ZCCHC24: variants seen among roughly 807,000 people sequenced by gnomAD.
ZCCHC24 encodes the protein zinc finger CCHC domain-containing protein 24.
In ZCCHC24, 10 loss-of-function variants were observed where a neutral mutation model predicts 26.2. The ratio of observed to expected loss-of-function variants is 0.38; its 90% CI spans 0.24 to 0.65. ZCCHC24 has a LOEUF of 0.65. Among genes scored for constraint, ZCCHC24 ranks in the 30% least tolerant of loss-of-function variants. ZCCHC24 has a pLI of 0.54. For missense variants in ZCCHC24, 243 were observed against 329.1 expected (o/e 0.74, Z 2.03); for synonymous variants, 144 against 147.1 (o/e 0.98, Z 0.15).
At chr10:79,444,124 A>G (rs1281389431) in intron 1 of ZCCHC24, 2 of 1,545,916 alleles carry the variant, frequency 1.3e-6, no homozygotes, top group South Asian at 2.4e-5. Flanking sequence ...GTCTGGAAGG[A>G]AAGTGACCCC....
At chr10:79,422,066 T>C (rs562020388) in intron 2 of ZCCHC24, among the ~76,000 whole-genome samples, 2 of 152,234 alleles carry the variant, frequency 1.3e-5, no homozygotes, top group South Asian at 2.1e-4. Context: ...TCCCTTCGCA[T>C]GCTCCCTAAC....
At chr10:79,416,965 A>G (rs1856870510) in intron 2 of ZCCHC24, among the ~76,000 whole-genome samples, 1 of 152,182 alleles carries the variant, frequency 6.6e-6, no homozygotes, top group Non-Finnish European at 1.5e-5. Context: ...CCCTGCTCAG[A>G]GTGGGCACCA....
chr10:79,412,880 A>G (rs1856810594), intron 2 of ZCCHC24, among the ~76,000 whole-genome samples: 1 of 152,194 alleles, frequency 6.6e-6, no homozygotes, highest in East Asian at 1.9e-4. Flanking sequence ...TAAGGAGCTC[A>G]TGAGTACCAA....
chr10:79,403,331 C>T lies in ZCCHC24; in HGVS notation c.448-8891G>A, dbSNP rs571530347. 5.3e-5 allele frequency: 50 copies of T among 936,476 alleles called. No homozygotes were observed. The African/African-American group carries it at 8.0e-4, about 15-fold the overall frequency. The allele number at this position is 936,476 out of a possible 1,614,324, so 58.0% of individuals were successfully genotyped here. ...AAACTGAGGCTCGAGACAGGGGCAG[C>T]AAGTCTGCCAAGTGCTGAGCCCCTG... is the stretch of plus-strand genomic sequence containing the variant. On this transcript the variant is annotated intron_variant, in intron 2 of 3. Coordinates refer to ENST00000372336, the MANE Select transcript of ZCCHC24 (RefSeq NM_153367.4).
intron 2 of ZCCHC24, among the ~76,000 whole-genome samples, chr10:79,405,008 G>A (rs1304566535): frequency 6.6e-6 from 1 of 152,214 alleles, no homozygotes; most frequent in Non-Finnish European, 1.5e-5. Flanking sequence ...GAGGGCTAAT[G>A]CACTGCTCAG....
intron 1 of ZCCHC24, among the ~76,000 whole-genome samples, chr10:79,437,689 G>C (rs1047123095): frequency 6.6e-6 from 1 of 152,240 alleles, no homozygotes; most frequent in Non-Finnish European, 1.5e-5. Flanking sequence ...GCAAGATGAA[G>C]GACCAGTGTC....
At chr10:79,397,012 G>T (rs1168775470) in intron 2 of ZCCHC24, among the ~76,000 whole-genome samples, 1 of 152,154 alleles carries the variant, frequency 6.6e-6, no homozygotes, top group Non-Finnish European at 1.5e-5. Context: ...AACAAAAAGT[G>T]GTATATAAAA....
At chr10:79,418,428 C>T (rs111597456) in intron 2 of ZCCHC24, among the ~76,000 whole-genome samples, 8 of 152,328 alleles carry the variant, frequency 5.3e-5, no homozygotes, top group African/African-American at 1.4e-4. Flanking sequence ...CAGGCAGACA[C>T]AGACCTCGCC....
chr10:79,430,686 C>CACCACACACACA lies in ZCCHC24; in HGVS notation c.447+1871_447+1872insTGTGTGTGTGGT, dbSNP rs370025190. ...GTGCACATACACTCACACACACACACCACACACACACACACACACACACAC... is the reference window on the plus strand; with the variant it reads ...GTGCACATACACTCACACACACACACACCACACACACACACACACACACACACACACACACAC... On this transcript the variant is annotated intron_variant, in intron 2 of 3. Coordinates refer to ENST00000372336, the MANE Select transcript of ZCCHC24 (RefSeq NM_153367.4). Among the ~76,000 whole-genome samples the CACCACACACACA allele has an allele frequency of 6.0e-4, 84 of 140,608 alleles. 1 individual carries two copies. The highest frequency in any genetic ancestry group is 8.3e-4 in the Non-Finnish European group (54 of 64,768). The allele number at this position is 140,608 out of a possible 152,430, so 92.2% of individuals were successfully genotyped here. A position where few individuals can be genotyped will look rare whatever the true frequency, so the allele number is the denominator to read the frequency against.
At chr10:79,426,402 T>G (rs1002575724) in intron 2 of ZCCHC24, among the ~76,000 whole-genome samples, 2 of 152,212 alleles carry the variant, frequency 1.3e-5, no homozygotes, top group African/African-American at 4.8e-5. Context: ...GAAAGAATAT[T>G]TGAAGAAATC....
intron 2 of ZCCHC24, among the ~76,000 whole-genome samples, chr10:79,425,061 G>T (rs2132209664): frequency 6.6e-6 from 1 of 152,306 alleles, no homozygotes. Context: ...AACATGTCTG[G>T]AGTCCTGCTC....
At chr10:79,436,841 G>A (rs1857223436) in intron 1 of ZCCHC24, among the ~76,000 whole-genome samples, 1 of 152,212 alleles carries the variant, frequency 6.6e-6, no homozygotes, top group East Asian at 1.9e-4. Flanking sequence ...AAGCCCCTGG[G>A]CCATCTAGGC....
intron 1 of ZCCHC24, among the ~76,000 whole-genome samples, chr10:79,435,004 C>G (rs912513515): frequency 3.3e-5 from 5 of 152,154 alleles, no homozygotes; most frequent in African/African-American, 1.2e-4. Context: ...CCACCAGGGT[C>G]TCCCCTTATC....
intron 1 of ZCCHC24, chr10:79,444,352 T>C: frequency 1.6e-6 from 2 of 1,235,916 alleles, no homozygotes; most frequent in Non-Finnish European, 2.1e-6. Context: ...TCTGTGTATT[T>C]ATCTTGCTGG....
chr10:79,423,077 C>G (rs1439963778), intron 2 of ZCCHC24, among the ~76,000 whole-genome samples: 5 of 152,216 alleles, frequency 3.3e-5, no homozygotes, highest in Admixed American at 3.3e-4. Flanking sequence ...GACCCTCCCC[C>G]TGCCTGAGCT....
At position 79,445,390 on chromosome 10, in the gene ZCCHC24, G is replaced by A. The variant is rs1465147932; in HGVS notation, c.51C>T (p.Pro17=). The change falls in exon 1 of 4, where the codon CCC becomes CCT. Residue 17 remains proline (P), a synonymous_variant. Transcript: ENST00000372336. ...IDTSAASVYQ[P]AQLLNWVYLS... Reference sequence around the variant, plus strand: ...GGTAGACCCAGTTGAGCAGCTGGGCGGGCTGGTACACCGAGGCGGCGCTCG... The same window carrying A: ...GGTAGACCCAGTTGAGCAGCTGGGCAGGCTGGTACACCGAGGCGGCGCTCG... 13 of 1,516,850 alleles carry A rather than the reference G, an allele frequency of 8.6e-6. No individual in the cohort carries two copies. In the South Asian group the frequency reaches 1.2e-4, roughly 15 times the overall value. 94.0% of individuals were successfully genotyped at this position (1,516,850 alleles called of 1,614,324 possible).
At chr10:79,444,866 T>C (rs371301933) in intron 1 of ZCCHC24, among the ~76,000 whole-genome samples, 329 of 152,258 alleles carry the variant, frequency 2.2e-3, no homozygotes, top group African/African-American at 7.4e-3. Context: ...CCCAGCTGTC[T>C]GAAGAAAATC....
chr10:79,423,581 CTATATATATATATA>C (rs561884774), intron 2 of ZCCHC24, among the ~76,000 whole-genome samples: 1 of 53,766 alleles, frequency 1.9e-5, no homozygotes, highest in African/African-American at 7.7e-5. Flanking sequence ...AATATATATA[CTATATATATATATA>C]TATATATATA....
chr10:79,395,290 A>G, intron 2 of ZCCHC24, among the ~76,000 whole-genome samples: 1 of 152,216 alleles, frequency 6.6e-6, no homozygotes, highest in East Asian at 1.9e-4. Flanking sequence ...TCTGTTTAAC[A>G]GGTGCACACA....
Sources: gnomAD v4.1 joint callset for allele counts (sites outside exome capture counted in the v4.1 genomes callset) on GRCh38, gnomAD v4.1.1 for gene constraint, MANE v1.5 for transcripts, NCBI Gene and HGNC (gene_info 2026-07-23, HGNC 2026-07-21) for gene names.